The following PACSIN2 variants were observed in gnomAD, a reference collection of about 807,000 sequenced individuals.
PACSIN2 encodes the protein protein kinase C and casein kinase substrate in neurons 2.
In PACSIN2, 25 loss-of-function variants were observed where a neutral mutation model predicts 63.8. That is an observed-to-expected ratio of 0.39 (90% confidence interval 0.29 to 0.55). PACSIN2 has a LOEUF of 0.55. Ranked by LOEUF, PACSIN2 falls within the 20% of genes least tolerant of loss-of-function variation. The probability of loss-of-function intolerance (pLI) is 0.62; values close to 1 mark genes in which losing one functional copy is unlikely to be tolerated. For synonymous variants in PACSIN2, 255 were observed against 256.2 expected (o/e 1.00, Z 0.05); for missense variants, 518 against 646.9 (o/e 0.80, Z 2.16).
intron 1 of PACSIN2, among the ~76,000 whole-genome samples, chr22:43,011,052 T>C (rs1180478506): frequency 6.6e-6 from 1 of 152,198 alleles, no homozygotes; most frequent in Non-Finnish European, 1.5e-5. Context: ...AGCATACTCA[T>C]CTGAACACTA....
chr22:42,885,604 C>G (rs1354593934), intron 5 of PACSIN2, among the ~76,000 whole-genome samples: 1 of 152,060 alleles, frequency 6.6e-6, no homozygotes, highest in Non-Finnish European at 1.5e-5. Flanking sequence ...ATGCGGCTCC[C>G]CTCCCAGATG....
chr22:42,890,041 CA>C (rs1929792182), intron 4 of PACSIN2, among the ~76,000 whole-genome samples: 1 of 146,452 alleles, frequency 6.8e-6, no homozygotes, highest in African/African-American at 2.5e-5. Flanking sequence ...CTCCCTCTGT[CA>C]CCAGGCTGGA....
chr22:42,988,179 C>T (rs1192298782), intron 1 of PACSIN2, among the ~76,000 whole-genome samples: 6 of 152,126 alleles, frequency 3.9e-5, no homozygotes, highest in Non-Finnish European at 7.4e-5. Context: ...TTCCAGAGAA[C>T]ACAAAAGCAA....
At chr22:42,903,454 G>C (rs566813956) in intron 2 of PACSIN2, among the ~76,000 whole-genome samples, 1 of 152,162 alleles carries the variant, frequency 6.6e-6, no homozygotes, top group Non-Finnish European at 1.5e-5. Context: ...AGTAACAGGG[G>C]TCCTTGAAAA....
chr22:42,966,327 T>C (rs907665944), intron 1 of PACSIN2, among the ~76,000 whole-genome samples: 3 of 151,114 alleles, frequency 2.0e-5, no homozygotes, highest in African/African-American at 7.3e-5. Context: ...ATCGTGCCCC[T>C]GCACTCCGGC....
At chr22:42,975,791 T>C (rs1313074079) in intron 1 of PACSIN2, among the ~76,000 whole-genome samples, 1 of 152,128 alleles carries the variant, frequency 6.6e-6, no homozygotes, top group African/African-American at 2.4e-5. Flanking sequence ...CTCCCAGGCA[T>C]TTATTAGTAT....
At chr22:42,985,122 G>C (rs1174658402) in intron 1 of PACSIN2, among the ~76,000 whole-genome samples, 1 of 152,114 alleles carries the variant, frequency 6.6e-6, no homozygotes, top group Admixed American at 6.5e-5. Flanking sequence ...TGAGGTCAGG[G>C]GTTCAAGACC....
At chr22:42,982,887 A>AAAAAAAAAAC (rs200348918) in intron 1 of PACSIN2, among the ~76,000 whole-genome samples, 11 of 129,574 alleles carry the variant, frequency 8.5e-5, no homozygotes, top group Non-Finnish European at 1.7e-4. Context: ...AAAAAAAAAA[A>AAAAAAAAAAC]AAACAACAAC....
At chr22:42,880,903 C>T (rs971473404) in intron 7 of PACSIN2, among the ~76,000 whole-genome samples, 4 of 152,224 alleles carry the variant, frequency 2.6e-5, no homozygotes, top group Admixed American at 1.3e-4. Flanking sequence ...AGCAAATCCT[C>T]GCTGTGTCTG....
chr22:42,913,192 A>T (rs1285624536), intron 1 of PACSIN2, among the ~76,000 whole-genome samples: 1 of 152,124 alleles, frequency 6.6e-6, no homozygotes, highest in African/African-American at 2.4e-5. Flanking sequence ...GAAAAAAGAG[A>T]CAATAGGCCG....
At chr22:42,915,235 A>G (rs1931735460) in intron 1 of PACSIN2, among the ~76,000 whole-genome samples, 1 of 152,180 alleles carries the variant, frequency 6.6e-6, no homozygotes, top group South Asian at 2.1e-4. Flanking sequence ...AGCCTTTAGG[A>G]GTAAGAGCCT....
At chr22:42,987,298 T>C (rs559059876) in intron 1 of PACSIN2, among the ~76,000 whole-genome samples, 3 of 152,154 alleles carry the variant, frequency 2.0e-5, no homozygotes, top group South Asian at 4.2e-4. Context: ...TCATCACTGT[T>C]ATTATATGGG....
In PACSIN2 at chr22:42,874,157, A is replaced by T. The variant is rs554836206; in HGVS notation, c.1348+1980T>A. ...GTAAACTGCAAATGCATTAAAAAAGATTCCTATAGTGGGTGGGGTGGTAGC... is the reference window on the plus strand; with the variant it reads ...GTAAACTGCAAATGCATTAAAAAAGTTTCCTATAGTGGGTGGGGTGGTAGC... On this transcript the variant is annotated intron_variant, in intron 10 of 10. Transcript: ENST00000263246. 3.9e-5 allele frequency among the ~76,000 whole-genome samples: 6 copies of T among 152,140 alleles called. No homozygotes were observed. The South Asian group carries it at 1.2e-3, about 32-fold the overall frequency.
chr22:42,941,413 G>A (rs1933153868), intron 1 of PACSIN2, among the ~76,000 whole-genome samples: 1 of 152,214 alleles, frequency 6.6e-6, no homozygotes, highest in African/African-American at 2.4e-5. Context: ...ATACCTAGGA[G>A]TAGAACTGCT....
intron 10 of PACSIN2, among the ~76,000 whole-genome samples, chr22:42,874,510 A>G (rs1928432797): frequency 6.6e-6 from 1 of 152,178 alleles, no homozygotes; most frequent in Non-Finnish European, 1.5e-5. Context: ...GTGGGCAGGT[A>G]GGTGTGCACA....
intron 1 of PACSIN2, among the ~76,000 whole-genome samples, chr22:42,981,791 C>T (rs1175018233): frequency 4.3e-4 from 53 of 123,570 alleles, no homozygotes; most frequent in African/African-American, 1.6e-3. Flanking sequence ...GTCAGCCCCC[C>T]GCCCGGCCAG....
intron 2 of PACSIN2, among the ~76,000 whole-genome samples, chr22:42,903,880 T>C (rs1018660715): frequency 6.6e-6 from 1 of 152,202 alleles, no homozygotes; most frequent in African/African-American, 2.4e-5. Flanking sequence ...CCGTATCCTC[T>C]GTTCCTGAAA....
At chr22:42,964,191 G>A (rs754671932) in intron 1 of PACSIN2, among the ~76,000 whole-genome samples, 2 of 152,194 alleles carry the variant, frequency 1.3e-5, no homozygotes, top group Non-Finnish European at 1.5e-5. Flanking sequence ...GCCAAGGTGC[G>A]CAGATCACTT....
chr22:42,972,205 C>T (rs2146870104), intron 1 of PACSIN2, among the ~76,000 whole-genome samples: 1 of 152,362 alleles, frequency 6.6e-6, no homozygotes, highest in African/African-American at 2.4e-5. Flanking sequence ...TATGGCCTTG[C>T]CCCCAATCCC....
Sources: allele counts gnomAD v4.1 joint callset (sites outside exome capture counted in the v4.1 genomes callset), GRCh38; gene constraint gnomAD v4.1.1; transcripts MANE v1.5; gene names NCBI Gene and HGNC (gene_info 2026-07-23, HGNC 2026-07-21).